The following FXR1 variants were observed in gnomAD, a reference collection of about 807,000 sequenced individuals.
The protein encoded by FXR1 is RNA-binding protein FXR1.
Under a neutral mutation model 84.0 loss-of-function variants are expected in FXR1, and 15 were observed. That is an observed-to-expected ratio of 0.18 (90% CI 0.12 to 0.27). The LOEUF (loss-of-function observed/expected upper bound fraction) is 0.27, where lower values mean the gene tolerates loss of function less well. FXR1 is among the 10% of genes least tolerant of loss of function. The pLI, the probability that FXR1 is intolerant of heterozygous loss-of-function variation, is 1.00. For missense variants in FXR1, 480 were observed against 774.4 expected (o/e 0.62, Z 4.51); for synonymous variants, 245 against 250.7 (o/e 0.98, Z 0.21).
chr3:180,970,421 TA>T (rs1253796233), intron 15 of FXR1, 63 bp downstream of exon 15: 1 of 268,454 alleles, frequency 3.7e-6, no homozygotes, highest in Admixed American at 5.5e-5. Context: ...TATATATATA[TA>T]ATTGTAAACT....
At chr3:180,964,936 C>A (rs916830527) in intron 13 of FXR1, among the ~76,000 whole-genome samples, 42 of 151,542 alleles carry the variant, frequency 2.8e-4, no homozygotes, top group Admixed American at 8.5e-4. Context: ...TGATATAAAC[C>A]ATCTTCATAA....
chr3:180,956,803 T>A (rs2108476257), intron 9 of FXR1, among the ~76,000 whole-genome samples: 1 of 152,320 alleles, frequency 6.6e-6, no homozygotes, highest in East Asian at 1.9e-4. Flanking sequence ...ATTATAGTCC[T>A]TTTATTGTAC....
chr3:180,954,709 A>T (rs1038386805), intron 9 of FXR1, among the ~76,000 whole-genome samples: 1 of 150,422 alleles, frequency 6.6e-6, no homozygotes, highest in Non-Finnish European at 1.5e-5. Flanking sequence ...ATCTCTCATT[A>T]TTTTTTTTTG....
chr3:180,963,754 G>C (rs1292795015), intron 13 of FXR1, among the ~76,000 whole-genome samples: 2 of 152,186 alleles, frequency 1.3e-5, no homozygotes, highest in African/African-American at 4.8e-5. Context: ...CAGTGGAGTG[G>C]TGATAGTCAA....
intron 8 of FXR1, among the ~76,000 whole-genome samples, chr3:180,952,313 T>C (rs916453679): frequency 1.3e-5 from 2 of 152,150 alleles, no homozygotes; most frequent in Admixed American, 6.5e-5. Flanking sequence ...ATAGCTCTTA[T>C]GAACAGCTGC....
chr3:180,966,580 A>G (rs1328624924), intron 13 of FXR1, among the ~76,000 whole-genome samples: 1 of 152,340 alleles, frequency 6.6e-6, no homozygotes, highest in East Asian at 1.9e-4. Context: ...ATAATGCAGC[A>G]AATTATTTGG....
chr3:180,926,663 C>T (rs192619746), intron 1 of FXR1, among the ~76,000 whole-genome samples: 2 of 151,630 alleles, frequency 1.3e-5, no homozygotes, highest in Non-Finnish European at 1.5e-5. Flanking sequence ...TTTAAAACTT[C>T]GGATTCAGGC....
chr3:180,951,938 A>T (rs1722267604), intron 8 of FXR1, among the ~76,000 whole-genome samples: 2 of 152,204 alleles, frequency 1.3e-5, no homozygotes, highest in South Asian at 4.1e-4. Context: ...GCAGTGGCAC[A>T]CACCTGCAGT....
chr3:180,978,298 G>GT lies in FXR1; in HGVS notation c.*2007dup, dbSNP rs918981204. On this transcript the variant is annotated 3_prime_UTR_variant, in exon 17 of 17. Transcript: ENST00000357559. Reference sequence around the variant, plus strand: ...ATGGAAGAAACAAAATCTTAAAAGAGTGAGTATAGCTGAACCAATTCTTCA... The same window carrying GT: ...ATGGAAGAAACAAAATCTTAAAAGAGTTGAGTATAGCTGAACCAATTCTTCA... The GT allele has an allele frequency of 1.3e-5, 2 of 151,920 alleles. No homozygotes were observed. The highest frequency in any genetic ancestry group is 4.8e-5 in the African/African-American group (2 of 41,374). 9.4% of individuals were successfully genotyped at this position (151,920 alleles called of 1,614,324 possible). A position where few individuals can be genotyped will look rare whatever the true frequency, so the allele number is the denominator to read the frequency against.
intron 1 of FXR1, among the ~76,000 whole-genome samples, chr3:180,916,477 G>T (rs1295686565): frequency 6.6e-6 from 1 of 152,146 alleles, no homozygotes; most frequent in Non-Finnish European, 1.5e-5. Flanking sequence ...GTGCGATCTC[G>T]GCTCACTGCA....
intron 3 of FXR1, among the ~76,000 whole-genome samples, chr3:180,946,295 CTT>C (rs1721688715): frequency 6.6e-6 from 1 of 152,058 alleles, no homozygotes; most frequent in African/African-American, 2.4e-5. Flanking sequence ...CCATTTTAGT[CTT>C]TATTTAAAGC....
At chr3:180,939,583 C>T (rs999401894) in intron 3 of FXR1, among the ~76,000 whole-genome samples, 5 of 152,288 alleles carry the variant, frequency 3.3e-5, no homozygotes, top group Non-Finnish European at 7.4e-5. Context: ...AATAGATTCA[C>T]CAGCCCGGGA....
chr3:180,961,358 AAAAAAAAAAG>A (rs1245046858), intron 10 of FXR1, 100 bp from the exon 11 acceptor site: 19 of 426,304 alleles, frequency 4.5e-5, no homozygotes, highest in African/African-American at 2.0e-4. Context: ...AAAAAAAAAA[AAAAAAAAAAG>A]GTGTGTGTGT....
At chr3:180,939,339 A>G (rs1197849887) in intron 3 of FXR1, among the ~76,000 whole-genome samples, 1 of 152,118 alleles carries the variant, frequency 6.6e-6, no homozygotes, top group Non-Finnish European at 1.5e-5. Context: ...TTTGGTCAAT[A>G]AACACTTTTT....
Position 180,947,857 on chromosome 3 carries a change from C to A in FXR1, c.199-8C>A. 1 of 1,548,650 alleles carries A rather than the reference C, an allele frequency of 6.5e-7. No individual in the cohort carries two copies. Among genetic ancestry groups the A allele is most frequent in the Non-Finnish European group, 8.8e-7 (1 of 1,140,468 alleles). ...TGAATGGATATAGGCATTTTTTTTT[C>A]TTCTCAGGTATATTCAAGAGCAAAT... On this transcript the variant is annotated splice_region_variant and splice_polypyrimidine_tract_variant and intron_variant, in intron 3 of 16. Transcript: ENST00000357559.
rs1008143140 is a variant in FXR1, at chr3:180,980,469, A to G, written c.*4177A>G. 3.3e-5 allele frequency: 5 copies of G among 152,014 alleles called. No homozygotes were observed. In the South Asian group the frequency reaches 8.3e-4, roughly 25 times the overall value. 9.4% of individuals were successfully genotyped at this position (152,014 alleles called of 1,614,324 possible). A position where few individuals can be genotyped will look rare whatever the true frequency, so the allele number is the denominator to read the frequency against. On this transcript the variant is annotated 3_prime_UTR_variant, in exon 17 of 17. Coordinates refer to ENST00000357559, the MANE Select transcript of FXR1 (RefSeq NM_005087.4). ...ATGTACATATTAATTTTCTAGTTTT[A>G]GAGACCATTTTCATTAAAAATATTT...
chr3:180,978,791 A>C lies in FXR1; in HGVS notation c.*2499A>C, dbSNP rs1371495968. On this transcript the variant is annotated 3_prime_UTR_variant, in exon 17 of 17. Coordinates refer to ENST00000357559, the MANE Select transcript of FXR1 (RefSeq NM_005087.4). ...ATGTGAATTCATATATGACACCTGA[A>C]CGGAATCATGAAGTAACAGCTGAGA... The C allele has an allele frequency of 6.6e-6, 1 of 152,068 alleles. No homozygotes were observed. Among genetic ancestry groups the C allele is most frequent in the Non-Finnish European group, 1.5e-5 (1 of 67,972 alleles). 9.4% of individuals were successfully genotyped at this position (152,068 alleles called of 1,614,324 possible). A position where few individuals can be genotyped will look rare whatever the true frequency, so the allele number is the denominator to read the frequency against.
Position 180,962,793 on chromosome 3 carries a change from C to T in FXR1, c.1078-90C>T, listed in dbSNP as rs998628261. 4.8e-6 allele frequency: 4 copies of T among 828,196 alleles called. No homozygotes were observed. In the African/African-American group the frequency reaches 5.2e-5, roughly 11 times the overall value. 51.3% of individuals were successfully genotyped at this position (828,196 alleles called of 1,614,324 possible). A position where few individuals can be genotyped will look rare whatever the true frequency, so the allele number is the denominator to read the frequency against. ...ACCATCTAATTGCCTAAGGTCACAGCTTTGATAGGGAGTACAGCTTTAGCT... is the reference window on the plus strand; with the variant it reads ...ACCATCTAATTGCCTAAGGTCACAGTTTTGATAGGGAGTACAGCTTTAGCT... On this transcript the variant is annotated intron_variant, in intron 11 of 16. Transcript: ENST00000357559.
chr3:180,958,635 T>C (rs1711650361), intron 10 of FXR1, among the ~76,000 whole-genome samples: 1 of 152,072 alleles, frequency 6.6e-6, no homozygotes, highest in Non-Finnish European at 1.5e-5. Context: ...CACCCATTGG[T>C]TGATGGGCAC....
Sources: gnomAD v4.1 joint callset for allele counts (sites outside exome capture counted in the v4.1 genomes callset) on GRCh38, gnomAD v4.1.1 for gene constraint, MANE v1.5 for transcripts, NCBI Gene and HGNC (gene_info 2026-07-23, HGNC 2026-07-21) for gene names.